MAGI1: variants seen among roughly 807,000 people sequenced by gnomAD.
MAGI1 encodes the protein membrane-associated guanylate kinase, WW and PDZ domain-containing protein 1.
MAGI1 carries 58 observed loss-of-function variants against 139.9 expected under a neutral mutation model. The ratio of observed to expected loss-of-function variants is 0.41; its 90% CI spans 0.34 to 0.52. MAGI1 has a LOEUF of 0.52. Among genes scored for constraint, MAGI1 ranks in the 20% least tolerant of loss-of-function variants. The pLI is 0.12. For missense variants in MAGI1, 1,874 were observed against 1,901.6 expected (o/e 0.99, Z 0.27); for synonymous variants, 812 against 737.9 (o/e 1.10, Z -1.63).
intron 1 of MAGI1, among the ~76,000 whole-genome samples, chr3:65,996,673 C>A (rs761492923): frequency 7.9e-5 from 12 of 152,120 alleles, no homozygotes; most frequent in Non-Finnish European, 1.8e-4. Context: ...GGGTGGAGAA[C>A]TCCCACATTT....
chr3:65,558,296 G>C (rs1199067264), intron 2 of MAGI1, among the ~76,000 whole-genome samples: 2 of 151,988 alleles, frequency 1.3e-5, no homozygotes, highest in Admixed American at 1.3e-4. Context: ...CTCCTCTCTG[G>C]AATACTATGA....
intron 1 of MAGI1, among the ~76,000 whole-genome samples, chr3:65,626,367 C>T (rs561153516): frequency 1.1e-4 from 16 of 152,242 alleles, no homozygotes; most frequent in African/African-American, 3.9e-4. Flanking sequence ...CCCTATCACC[C>T]AGGCTGGAGT....
intron 2 of MAGI1, among the ~76,000 whole-genome samples, chr3:65,538,682 C>T (rs2079068357): frequency 1.3e-5 from 2 of 152,140 alleles, no homozygotes; most frequent in Admixed American, 1.3e-4. Context: ...AGATGCCATG[C>T]TCTCATCTAA....
chr3:65,439,487 T>A (rs903220709), intron 9 of MAGI1, among the ~76,000 whole-genome samples: 1 of 152,160 alleles, frequency 6.6e-6, no homozygotes, highest in Admixed American at 6.5e-5. Flanking sequence ...ATTCTTTACA[T>A]GTAATGTTCC....
Position 65,900,689 on chromosome 3 carries a change from C to A in MAGI1, c.313+137307G>T, listed in dbSNP as rs1042007467. 3.3e-5 allele frequency among the ~76,000 whole-genome samples: 5 copies of A among 152,210 alleles called. No individual in the cohort carries two copies. The East Asian group carries it at 5.8e-4, about 18-fold the overall frequency. On this transcript the variant is annotated intron_variant, in intron 1 of 22. Coordinates refer to ENST00000402939, the MANE Select transcript of MAGI1 (RefSeq NM_001033057.2). ...GGTTACCAGATGAATACCCTGTCTC[C>A]CCAGTCTTCTAGCCATTTTCTTACC...
chr3:65,870,530 G>C (rs1258399334), intron 1 of MAGI1, among the ~76,000 whole-genome samples: 1 of 151,518 alleles, frequency 6.6e-6, no homozygotes, highest in African/African-American at 2.4e-5. Context: ...GGGAAGGAGG[G>C]GAAGAAGACA....
intron 1 of MAGI1, among the ~76,000 whole-genome samples, chr3:65,652,553 A>T (rs752455680): frequency 6.6e-6 from 1 of 152,148 alleles, no homozygotes; most frequent in Non-Finnish European, 1.5e-5. Context: ...CCTGGAAAAT[A>T]AAATCACCCT....
chr3:65,808,920 A>T lies in MAGI1; in HGVS notation c.314-186832T>A, dbSNP rs900403098. 2.0e-5 allele frequency among the ~76,000 whole-genome samples: 3 copies of T among 152,216 alleles called. No individual in the cohort carries two copies. The South Asian group carries it at 6.2e-4, about 31-fold the overall frequency. On this transcript the variant is annotated intron_variant, in intron 1 of 22. Transcript: ENST00000402939. ...CTGGGAAATGTGAGGTACAGCAATGATGTGTCTCCATGGGTAATCTAAAAG... is the reference window on the plus strand; with the variant it reads ...CTGGGAAATGTGAGGTACAGCAATGTTGTGTCTCCATGGGTAATCTAAAAG...
chr3:65,510,007 A>G (rs1188614567), intron 2 of MAGI1, among the ~76,000 whole-genome samples: 1 of 152,162 alleles, frequency 6.6e-6, no homozygotes, highest in East Asian at 1.9e-4. Context: ...CTGACCCCCG[A>G]GCACCCTAAC....
At chr3:65,564,102 G>T (rs1035090111) in intron 2 of MAGI1, among the ~76,000 whole-genome samples, 1 of 152,036 alleles carries the variant, frequency 6.6e-6, no homozygotes, top group African/African-American at 2.4e-5. Flanking sequence ...CTGCATTTAC[G>T]CTTTCCCATT....
chr3:65,649,551 T>C (rs554601225), intron 1 of MAGI1, among the ~76,000 whole-genome samples: 2 of 152,284 alleles, frequency 1.3e-5, no homozygotes, highest in East Asian at 1.9e-4. Context: ...GTTAAGAGGA[T>C]GAAAAGACTG....
At chr3:65,398,284 T>C (rs1944551588) in intron 13 of MAGI1, among the ~76,000 whole-genome samples, 1 of 152,086 alleles carries the variant, frequency 6.6e-6, no homozygotes, top group South Asian at 2.1e-4. Flanking sequence ...GAGGCCAAGA[T>C]AGGAGGAGCA....
intron 1 of MAGI1, among the ~76,000 whole-genome samples, chr3:65,772,910 C>G (rs1236646865): frequency 6.6e-6 from 1 of 152,030 alleles, no homozygotes; most frequent in Non-Finnish European, 1.5e-5. Flanking sequence ...TGGGAGGAGG[C>G]AAGAATTGAA....
At chr3:65,520,131 C>T (rs567680225) in intron 2 of MAGI1, among the ~76,000 whole-genome samples, 38 of 152,314 alleles carry the variant, frequency 2.5e-4, no homozygotes, top group Admixed American at 2.5e-3. Flanking sequence ...ACCACCCCAC[C>T]TACTCTTCCT....
chr3:65,958,563 T>A (rs895897466), intron 1 of MAGI1, among the ~76,000 whole-genome samples: 2 of 152,216 alleles, frequency 1.3e-5, no homozygotes, highest in Non-Finnish European at 2.9e-5. Context: ...GAGGTTAGTG[T>A]GGAATTAAAT....
intron 2 of MAGI1, among the ~76,000 whole-genome samples, chr3:65,561,757 CT>C (rs2080359565): frequency 6.6e-6 from 1 of 152,158 alleles, no homozygotes; most frequent in Admixed American, 6.5e-5. Flanking sequence ...CAAGCCATTG[CT>C]TTTAAAACTT....
intron 1 of MAGI1, among the ~76,000 whole-genome samples, chr3:66,031,904 T>C (rs766217576): frequency 7.2e-5 from 11 of 152,144 alleles, no homozygotes; most frequent in African/African-American, 1.2e-4. Context: ...CTGCTGAACA[T>C]CTGAAATTTC....
chr3:65,368,205 C>T (rs1378134521), intron 18 of MAGI1, among the ~76,000 whole-genome samples: 2 of 152,104 alleles, frequency 1.3e-5, no homozygotes, highest in African/African-American at 4.8e-5. Context: ...TATGAGTCTC[C>T]CTGCCCTCCA....
At chr3:65,488,851 T>C (rs764270021) in intron 3 of MAGI1, among the ~76,000 whole-genome samples, 1 of 151,742 alleles carries the variant, frequency 6.6e-6, no homozygotes, top group Non-Finnish European at 1.5e-5. Context: ...TTTGTATTTT[T>C]TTATAGAGAT....
Sources: gnomAD v4.1 joint callset for allele counts (sites outside exome capture counted in the v4.1 genomes callset) on GRCh38, gnomAD v4.1.1 for gene constraint, MANE v1.5 for transcripts, NCBI Gene and HGNC (gene_info 2026-07-23, HGNC 2026-07-21) for gene names.